The following PTPRR variants were observed in gnomAD, a reference collection of about 807,000 sequenced individuals.
The protein encoded by PTPRR is receptor-type tyrosine-protein phosphatase R.
PTPRR carries 38 observed loss-of-function variants against 77.2 expected under a neutral mutation model. That is an observed-to-expected ratio of 0.49 (90% CI 0.38 to 0.65). The LOEUF is 0.65. Ranked by LOEUF, PTPRR falls within the 30% of genes least tolerant of loss-of-function variation. The probability of loss-of-function intolerance (pLI) is 0.00; values close to 1 mark genes in which losing one functional copy is unlikely to be tolerated. For synonymous variants in PTPRR, 299 were observed against 283.1 expected (o/e 1.06, Z -0.57); for missense variants, 744 against 799.2 (o/e 0.93, Z 0.83).
At chr12:70,909,627 G>C (rs1893671792) in intron 1 of PTPRR, among the ~76,000 whole-genome samples, 1 of 152,140 alleles carries the variant, frequency 6.6e-6, no homozygotes, top group Admixed American at 6.5e-5. Context: ...CTGTTAATCA[G>C]GGCCCCCTTC....
At chr12:70,857,014 G>A (rs1892663875) in intron 2 of PTPRR, among the ~76,000 whole-genome samples, 1 of 152,158 alleles carries the variant, frequency 6.6e-6, no homozygotes, top group African/African-American at 2.4e-5. Flanking sequence ...TACCTGTGTA[G>A]CATCTAAAGG....
chr12:70,819,211 C>T (rs11178445), intron 2 of PTPRR, among the ~76,000 whole-genome samples: 3,225 of 152,312 alleles, frequency 0.021, 61 homozygotes, highest in African/African-American at 0.055. Context: ...GTCCCAGCTA[C>T]TCCGGAGGCT....
intron 6 of PTPRR, among the ~76,000 whole-genome samples, chr12:70,704,888 G>C (rs1012588739): frequency 1.3e-5 from 2 of 152,072 alleles, no homozygotes; most frequent in African/African-American, 4.8e-5. Context: ...TCTTGGAACT[G>C]TGGGCAAACT....
At chr12:70,919,556 G>A (rs1169886652) in intron 1 of PTPRR, among the ~76,000 whole-genome samples, 2 of 151,902 alleles carry the variant, frequency 1.3e-5, no homozygotes, top group Non-Finnish European at 2.9e-5. Context: ...ATTGATTCTG[G>A]TGCCTCAAAT....
At chr12:70,647,946 T>G (rs1448274435) in intron 13 of PTPRR, among the ~76,000 whole-genome samples, 1 of 152,184 alleles carries the variant, frequency 6.6e-6, no homozygotes, top group Non-Finnish European at 1.5e-5. Context: ...TTTTCCTGGT[T>G]TATATAGCAA....
chr12:70,912,416 A>G (rs1893713138), intron 1 of PTPRR, among the ~76,000 whole-genome samples: 1 of 152,174 alleles, frequency 6.6e-6, no homozygotes, highest in Non-Finnish European at 1.5e-5. Flanking sequence ...GTAGTTTAGG[A>G]CTGCCTGAGG....
intron 2 of PTPRR, among the ~76,000 whole-genome samples, chr12:70,872,057 T>C (rs1044689651): frequency 3.3e-5 from 5 of 152,236 alleles, no homozygotes; most frequent in African/African-American, 1.2e-4. Context: ...TCTTATTTCT[T>C]AGCTCTATTT....
intron 7 of PTPRR, among the ~76,000 whole-genome samples, chr12:70,700,847 G>C (rs1434312233): frequency 6.6e-6 from 1 of 152,078 alleles, no homozygotes; most frequent in African/African-American, 2.4e-5. Context: ...TAATTCCCCA[G>C]ACAGTGACAG....
At chr12:70,859,258 A>G (rs1434980387) in intron 2 of PTPRR, among the ~76,000 whole-genome samples, 2 of 152,102 alleles carry the variant, frequency 1.3e-5, no homozygotes, top group Non-Finnish European at 2.9e-5. Flanking sequence ...AGTTAGAATC[A>G]GTAGAGTAGC....
chr12:70,702,072 C>G (rs954645870), intron 6 of PTPRR, among the ~76,000 whole-genome samples: 1 of 152,074 alleles, frequency 6.6e-6, no homozygotes, highest in Non-Finnish European at 1.5e-5. Context: ...AATTGACACA[C>G]GAATTCATTT....
intron 2 of PTPRR, among the ~76,000 whole-genome samples, chr12:70,830,699 G>A (rs1892196667): frequency 6.6e-6 from 1 of 152,202 alleles, no homozygotes; most frequent in Admixed American, 6.6e-5. Context: ...TGACAAGGCT[G>A]TCAACACTTT....
Position 70,638,898 on chromosome 12 carries a change from A to G in PTPRR, c.*286T>C, listed in dbSNP as rs1885874059. On this transcript the variant is annotated 3_prime_UTR_variant, in exon 14 of 14. Transcript: ENST00000283228. ...TACATACATTCTGTGTGGCAGATAGAGTCAGTACAGACAAAACAAAATCTG... is the reference window on the plus strand; with the variant it reads ...TACATACATTCTGTGTGGCAGATAGGGTCAGTACAGACAAAACAAAATCTG... 1 of 378,242 alleles carries G rather than the reference A, an allele frequency of 2.6e-6. No homozygotes were observed. Among genetic ancestry groups the G allele is most frequent in the South Asian group, 4.0e-5 (1 of 25,054 alleles). 23.4% of individuals were successfully genotyped at this position (378,242 alleles called of 1,614,324 possible). A position where few individuals can be genotyped will look rare whatever the true frequency, so the allele number is the denominator to read the frequency against.
chr12:70,752,116 TTAA>T (rs1305771058), intron 5 of PTPRR, among the ~76,000 whole-genome samples: 2 of 152,170 alleles, frequency 1.3e-5, no homozygotes, highest in African/African-American at 4.8e-5. Flanking sequence ...TAAAATTAAC[TTAA>T]TTATTTTCTA....
intron 10 of PTPRR, among the ~76,000 whole-genome samples, chr12:70,676,859 CTT>C (rs60254808): frequency 1.4e-4 from 19 of 139,696 alleles, no homozygotes; most frequent in Non-Finnish European, 1.7e-4. Flanking sequence ...ATGCCTCCAG[CTT>C]TTTTTTTTTT....
chr12:70,815,347 A>C (rs569562809), intron 2 of PTPRR, among the ~76,000 whole-genome samples: 2 of 152,312 alleles, frequency 1.3e-5, no homozygotes, highest in Admixed American at 1.3e-4. Context: ...GGACAAGCTT[A>C]AGTGGCCTAA....
At chr12:70,799,797 C>T (rs1482086372) in intron 2 of PTPRR, among the ~76,000 whole-genome samples, 1 of 152,160 alleles carries the variant, frequency 6.6e-6, no homozygotes, top group African/African-American at 2.4e-5. Flanking sequence ...ACAGCATCCA[C>T]AATAATCCAT....
chr12:70,735,576 G>T (rs141370764), intron 6 of PTPRR, among the ~76,000 whole-genome samples: 28 of 152,234 alleles, frequency 1.8e-4, no homozygotes, highest in African/African-American at 6.5e-4. Flanking sequence ...GATTTGGGTG[G>T]GGACATAGCC....
At chr12:70,713,720 C>A (rs1034943462) in intron 6 of PTPRR, among the ~76,000 whole-genome samples, 1 of 152,074 alleles carries the variant, frequency 6.6e-6, no homozygotes, top group African/African-American at 2.4e-5. Context: ...CTAATGAAAT[C>A]CTTGGCCCAT....
Position 70,747,348 on chromosome 12 carries a change from T to A in PTPRR, c.739-1262A>T, listed in dbSNP as rs1461875739. Among the ~76,000 whole-genome samples the A allele has an allele frequency of 4.6e-5, 7 of 152,308 alleles. No individual in the cohort carries two copies. In the East Asian group the frequency reaches 1.3e-3, roughly 29 times the overall value. On this transcript the variant is annotated intron_variant, in intron 5 of 13. Transcript: ENST00000283228. Reference sequence around the variant, plus strand: ...TGTTTTAGTTGCAAGAAAGTTATTTTCCCAAATGAAGAAACAAATATATCT... The same window carrying A: ...TGTTTTAGTTGCAAGAAAGTTATTTACCCAAATGAAGAAACAAATATATCT...
Sources: allele counts gnomAD v4.1 joint callset (sites outside exome capture counted in the v4.1 genomes callset), GRCh38; gene constraint gnomAD v4.1.1; transcripts MANE v1.5; gene names NCBI Gene and HGNC (gene_info 2026-07-23, HGNC 2026-07-21).